The following DHRSX variants were observed in gnomAD, a reference collection of about 807,000 sequenced individuals.
DHRSX encodes dehydrogenase/reductase X-linked.
Under a neutral mutation model 34.0 loss-of-function variants are expected in DHRSX, and 31 were observed. That is an observed-to-expected ratio of 0.91 (90% CI 0.69 to 1.23). DHRSX has a LOEUF of 1.23. Ranked by LOEUF, DHRSX falls within the 50% of genes most tolerant of loss-of-function variation. DHRSX has a pLI of 0.00. For missense variants in DHRSX, 414 were observed against 428.1 expected (o/e 0.97, Z 0.29); for synonymous variants, 201 against 183.8 (o/e 1.09, Z -0.76).
At chrX:2,346,608 C>T (rs1199343495) in intron 3 of DHRSX, among the ~76,000 whole-genome samples, 1 of 151,748 alleles carries the variant, frequency 6.6e-6, no homozygotes. Flanking sequence ...GTTCCCCTCC[C>T]CATTTTTCCT....
intron 1 of DHRSX, among the ~76,000 whole-genome samples, chrX:2,451,587 C>T (rs2044218365): frequency 6.6e-6 from 1 of 152,160 alleles, no homozygotes; most frequent in Non-Finnish European, 1.5e-5. Flanking sequence ...TGAATTCGGT[C>T]AGGACGGTGG....
intron 3 of DHRSX, among the ~76,000 whole-genome samples, chrX:2,390,724 A>T (rs553894259): frequency 6.6e-6 from 1 of 152,194 alleles, no homozygotes; most frequent in South Asian, 2.1e-4. Context: ...ATAGGAGTGG[A>T]ATCCTACAGT....
intron 5 of DHRSX, among the ~76,000 whole-genome samples, chrX:2,245,646 GTC>G (rs1391630854): frequency 4.7e-5 from 7 of 149,422 alleles, no homozygotes; most frequent in Non-Finnish European, 7.4e-5. Context: ...GATGTCTCCT[GTC>G]TCCCTAAAAT....
At chrX:2,427,376 G>A (rs1172263646) in intron 1 of DHRSX, among the ~76,000 whole-genome samples, 1 of 152,188 alleles carries the variant, frequency 6.6e-6, no homozygotes, top group Non-Finnish European at 1.5e-5. Context: ...GCCAATCTGT[G>A]ATATGTTTCA....
intron 1 of DHRSX, among the ~76,000 whole-genome samples, chrX:2,447,793 T>C (rs1459081110): frequency 7.8e-6 from 1 of 128,350 alleles, no homozygotes; most frequent in Non-Finnish European, 1.6e-5. Flanking sequence ...GAGAATACCA[T>C]ATCATCTCGT....
chrX:2,225,179 C>G (rs944268680), intron 6 of DHRSX, among the ~76,000 whole-genome samples: 2 of 150,110 alleles, frequency 1.3e-5, no homozygotes, highest in African/African-American at 4.9e-5. Flanking sequence ...CACACGCACA[C>G]AGCTCACACA....
In DHRSX at chrX:2,291,609, A is replaced by G. The variant is rs1325471271; in HGVS notation, c.287-6T>C. 1.2e-6 allele frequency: 2 copies of G among 1,607,192 alleles called. No homozygotes were observed. The highest frequency in any genetic ancestry group is 1.6e-4 in the Middle Eastern group (1 of 6,068). Reference sequence around the variant, plus strand: ...GTCACAGTATAAAAATTCCACTGGAAAAGGACAACAACAAAAAATACCTGG... The same window carrying G: ...GTCACAGTATAAAAATTCCACTGGAGAAGGACAACAACAAAAAATACCTGG... On this transcript the variant is annotated splice_polypyrimidine_tract_variant and splice_region_variant and intron_variant, in intron 3 of 6. Transcript: ENST00000334651.
At chrX:2,360,852 A>G (rs967107691) in intron 3 of DHRSX, among the ~76,000 whole-genome samples, 1 of 151,994 alleles carries the variant, frequency 6.6e-6, no homozygotes, top group African/African-American at 2.4e-5. Flanking sequence ...CTCTCTGCCA[A>G]CGTTAGATAT....
chrX:2,444,566 C>G (rs1045423417), intron 1 of DHRSX, among the ~76,000 whole-genome samples: 55 of 152,184 alleles, frequency 3.6e-4, no homozygotes, highest in African/African-American at 1.2e-3. Flanking sequence ...CACTGTGCCC[C>G]ATGCCTGTAA....
At chrX:2,310,559 TGTGAGAGAGA>T (rs1569486658) in intron 3 of DHRSX, among the ~76,000 whole-genome samples, 2 of 150,362 alleles carry the variant, frequency 1.3e-5, no homozygotes, top group Non-Finnish European at 3.0e-5. Context: ...TGTGTGTGTG[TGTGAGAGAGA>T]GAGAGAGAGG....
intron 1 of DHRSX, among the ~76,000 whole-genome samples, chrX:2,495,358 T>TTATTAA (rs2045256628): frequency 6.6e-6 from 1 of 151,938 alleles, no homozygotes; most frequent in Non-Finnish European, 1.5e-5. Flanking sequence ...TATTCTATTA[T>TTATTAA]TATTAATATT....
chrX:2,312,620 TG>T (rs2042177035), intron 3 of DHRSX, among the ~76,000 whole-genome samples: 1 of 152,028 alleles, frequency 6.6e-6, no homozygotes, highest in Admixed American at 6.6e-5. Flanking sequence ...AAATACCTAA[TG>T]TAGATGATGG....
chrX:2,294,247 A>G (rs1420677293), intron 3 of DHRSX, among the ~76,000 whole-genome samples: 1 of 152,030 alleles, frequency 6.6e-6, no homozygotes, highest in Non-Finnish European at 1.5e-5. Context: ...GCAGACAGAG[A>G]GATACAAAGA....
At chrX:2,428,192 C>G (rs2043872959) in intron 1 of DHRSX, among the ~76,000 whole-genome samples, 5 of 152,100 alleles carry the variant, frequency 3.3e-5, no homozygotes, top group Admixed American at 3.3e-4. Context: ...ACTAACAGCC[C>G]AAACATTACC....
intron 4 of DHRSX, among the ~76,000 whole-genome samples, chrX:2,273,603 C>A (rs1156660739): frequency 6.6e-6 from 1 of 152,208 alleles, no homozygotes; most frequent in African/African-American, 2.4e-5. Flanking sequence ...CTGTACCCAA[C>A]AGGTGGTTTT....
intron 1 of DHRSX, among the ~76,000 whole-genome samples, chrX:2,479,129 G>C (rs1290396245): frequency 6.9e-6 from 1 of 145,182 alleles, no homozygotes; most frequent in African/African-American, 2.6e-5. Context: ...GAAGATGTTC[G>C]CTAACAATGC....
At chrX:2,457,697 C>T (rs1490490918) in intron 1 of DHRSX, among the ~76,000 whole-genome samples, 1 of 146,482 alleles carries the variant, frequency 6.8e-6, no homozygotes, top group Non-Finnish European at 1.5e-5. Context: ...GGACTGCCGC[C>T]CTGTACACAC....
At position 2,285,344 on chromosome X, in the gene DHRSX, A is replaced by G. The variant is rs574083208; in HGVS notation, c.388+6158T>C. On this transcript the variant is annotated intron_variant, in intron 4 of 6. Coordinates refer to ENST00000334651, the MANE Select transcript of DHRSX (RefSeq NM_145177.3). ...GACAGATCATCAGGAATTAGATTCC[A>G]TAAGGAGCACACAACCTAGATCCTT... is the stretch of plus-strand genomic sequence containing the variant. Among the ~76,000 whole-genome samples the G allele has an allele frequency of 4.6e-5, 7 of 152,302 alleles. 1 individual carries two copies. Among genetic ancestry groups the G allele is most frequent in the African/African-American group, 1.4e-4 (6 of 41,562 alleles).
intron 1 of DHRSX, among the ~76,000 whole-genome samples, chrX:2,429,626 ATT>A (rs56358115): frequency 0.32 from 48,357 of 150,552 alleles, 9,567 homozygotes; most frequent in East Asian, 0.81. Flanking sequence ...TTTTTTTACT[ATT>A]TTTTTTTTGT....
Sources: allele counts gnomAD v4.1 joint callset (sites outside exome capture counted in the v4.1 genomes callset), GRCh38; gene constraint gnomAD v4.1.1; transcripts MANE v1.5; gene names NCBI Gene and HGNC (gene_info 2026-07-23, HGNC 2026-07-21).